DAB1: variants seen among roughly 807,000 people sequenced by gnomAD.
DAB1 encodes the protein DAB adaptor protein 1, also known as disabled homolog 1.
DAB1 carries 15 observed loss-of-function variants against 64.6 expected under a neutral mutation model. That is an observed-to-expected ratio of 0.23 (90% CI 0.16 to 0.36). The LOEUF (loss-of-function observed/expected upper bound fraction) is 0.36. DAB1 is among the 10% of genes least tolerant of loss of function. The pLI is 1.00. For synonymous variants in DAB1, 235 were observed against 251.9 expected (o/e 0.93, Z 0.64); for missense variants, 596 against 706.7 (o/e 0.84, Z 1.78).
Position 57,960,070 on chromosome 1 carries a change from G to C in DAB1, n.388-75908C>G, listed in dbSNP as rs181375400. Among the ~76,000 whole-genome samples, 41 of 152,264 alleles carry C rather than the reference G, an allele frequency of 2.7e-4. 1 individual carries two copies. In the Middle Eastern group the frequency reaches 0.01, roughly 38 times the overall value. Reference sequence around the variant, plus strand: ...AGCGCGTTTCTGCTGCAGCCTCCACGATGCCTGGGCTGATAGCAATCAGGT... The same window carrying C: ...AGCGCGTTTCTGCTGCAGCCTCCACCATGCCTGGGCTGATAGCAATCAGGT... On this transcript the variant is annotated intron_variant and non_coding_transcript_variant, in intron 5 of 20. Transcript: ENST00000485760.
chr1:57,991,721 C>T (rs902284247), intron 5 of DAB1, among the ~76,000 whole-genome samples: 1 of 151,724 alleles, frequency 6.6e-6, no homozygotes, highest in African/African-American at 2.4e-5. Flanking sequence ...TAGCAGGCAC[C>T]TGTAATACCA....
At chr1:58,012,949 G>T (rs993689646) in intron 5 of DAB1, among the ~76,000 whole-genome samples, 1 of 152,114 alleles carries the variant, frequency 6.6e-6, no homozygotes, top group African/African-American at 2.4e-5. Context: ...TATCATCACT[G>T]GCCATTTAGT....
chr1:57,176,628 C>T (rs1023799485), intron 2 of DAB1, among the ~76,000 whole-genome samples: 1 of 152,052 alleles, frequency 6.6e-6, no homozygotes, highest in African/African-American at 2.4e-5. Context: ...TTTCTTGGTA[C>T]ATGATATGTA....
At chr1:57,505,369 T>G (rs909213629) in intron 7 of DAB1, among the ~76,000 whole-genome samples, 5 of 152,200 alleles carry the variant, frequency 3.3e-5, no homozygotes, top group Admixed American at 3.3e-4. Context: ...AGATTTGCCT[T>G]AAGTCATAGT....
intron 4 of DAB1, among the ~76,000 whole-genome samples, chr1:58,155,472 A>G (rs1655172820): frequency 6.6e-6 from 1 of 152,214 alleles, no homozygotes; most frequent in Non-Finnish European, 1.5e-5. Context: ...TAACACTGTG[A>G]AAAACGGGAA....
chr1:57,867,546 A>T (rs1204171914), intron 1 of DAB1: 1 of 152,120 alleles, frequency 6.6e-6, no homozygotes, highest in Non-Finnish European at 1.5e-5. Flanking sequence ...GCCACAACCC[A>T]CATCTCTGAA....
intron 5 of DAB1, among the ~76,000 whole-genome samples, chr1:57,980,660 C>T (rs1458161914): frequency 6.6e-6 from 1 of 152,132 alleles, no homozygotes; most frequent in Non-Finnish European, 1.5e-5. Context: ...GAGTCATCTG[C>T]TTCTTTGCTT....
At chr1:57,405,691 G>A (rs1350606687) in intron 1 of DAB1, among the ~76,000 whole-genome samples, 1 of 152,094 alleles carries the variant, frequency 6.6e-6, no homozygotes, top group Non-Finnish European at 1.5e-5. Context: ...CGGTTTACCT[G>A]GTCCCCACCC....
intron 1 of DAB1, among the ~76,000 whole-genome samples, chr1:57,376,513 T>C (rs923341918): frequency 6.6e-6 from 1 of 152,262 alleles, no homozygotes; most frequent in African/African-American, 2.4e-5. Flanking sequence ...TATTCACTTT[T>C]GTATCTCTAG....
chr1:58,234,879 T>C (rs576904019), intron 4 of DAB1, among the ~76,000 whole-genome samples: 38 of 152,278 alleles, frequency 2.5e-4, no homozygotes, highest in Admixed American at 5.2e-4. Flanking sequence ...CTAGATTCTG[T>C]AGGTACAAGG....
intron 3 of DAB1, among the ~76,000 whole-genome samples, chr1:58,497,928 AG>A (rs1331306515): frequency 2.0e-4 from 30 of 152,192 alleles, no homozygotes; most frequent in African/African-American, 7.2e-4. Context: ...CCAGGTATAC[AG>A]GAAGTATACA....
chr1:58,208,010 T>C (rs565227578), intron 4 of DAB1, among the ~76,000 whole-genome samples: 1 of 152,122 alleles, frequency 6.6e-6, no homozygotes, highest in Non-Finnish European at 1.5e-5. Flanking sequence ...CTCCTTCACA[T>C]GGTGGCAGCA....
chr1:57,170,131 G>A (rs1420833384), intron 2 of DAB1, among the ~76,000 whole-genome samples: 1 of 151,772 alleles, frequency 6.6e-6, no homozygotes, highest in Non-Finnish European at 1.5e-5. Context: ...TGAGTAGCTG[G>A]GCTTACAGGT....
chr1:57,735,947 T>C (rs1361001141), intron 6 of DAB1, among the ~76,000 whole-genome samples: 1 of 152,128 alleles, frequency 6.6e-6, no homozygotes, highest in Non-Finnish European at 1.5e-5. Flanking sequence ...TTTTGGTTCT[T>C]AAATAAACAT....
At chr1:58,355,836 C>A (rs1644105724) in intron 3 of DAB1, among the ~76,000 whole-genome samples, 4 of 152,198 alleles carry the variant, frequency 2.6e-5, no homozygotes, top group Admixed American at 2.6e-4. Flanking sequence ...ATCGCAGGAA[C>A]ATGCAAAGTC....
rs559701178 is a variant in DAB1 at position 57,567,615 on chromosome 1, C to T, written n.625+81977G>A. ...AAAATCAATGTACAAAAATCACATGCATTCTTATACACCAATAACAGACAA... is the reference window on the plus strand; with the variant it reads ...AAAATCAATGTACAAAAATCACATGTATTCTTATACACCAATAACAGACAA... On this transcript the variant is annotated intron_variant and non_coding_transcript_variant, in intron 7 of 20. Coordinates refer to the DAB1 transcript ENST00000485760. Among the ~76,000 whole-genome samples the T allele has an allele frequency of 1.4e-4, 21 of 152,306 alleles. No homozygotes were observed. The East Asian group carries it at 4.0e-3, about 29-fold the overall frequency.
intron 1 of DAB1, among the ~76,000 whole-genome samples, chr1:58,529,639 G>C (rs1192363039): frequency 1.3e-5 from 2 of 152,194 alleles, no homozygotes; most frequent in Non-Finnish European, 2.9e-5. Context: ...GGTTTTAACA[G>C]TGCCGCATTA....
intron 4 of DAB1, among the ~76,000 whole-genome samples, chr1:58,281,925 A>G (rs940672884): frequency 6.6e-6 from 1 of 151,920 alleles, no homozygotes; most frequent in Non-Finnish European, 1.5e-5. Context: ...TACCACTACC[A>G]CCGCCATCAT....
intron 9 of DAB1, among the ~76,000 whole-genome samples, 196 bp from the exon 10 acceptor site, chr1:57,026,239 CT>C (rs1557575682): frequency 6.6e-6 from 1 of 152,212 alleles, no homozygotes; most frequent in South Asian, 2.1e-4. Flanking sequence ...TCAATTCTTG[CT>C]TCCTTGCATC....
Sources: gnomAD v4.1 joint callset for allele counts (sites outside exome capture counted in the v4.1 genomes callset) on GRCh38, gnomAD v4.1.1 for gene constraint, MANE v1.5 for transcripts, NCBI Gene and HGNC (gene_info 2026-07-23, HGNC 2026-07-21) for gene names.